MYH7B: variants seen among roughly 807,000 people sequenced by gnomAD.
MYH7B encodes myosin heavy chain 7B.
In MYH7B, 205 loss-of-function variants were observed where a neutral mutation model predicts 234.5. That is an observed-to-expected ratio of 0.87 (90% CI 0.78 to 0.98). The LOEUF (loss-of-function observed/expected upper bound fraction) is 0.98, where lower values mean the gene tolerates loss of function less well. Ranked by LOEUF, MYH7B falls within the 50% of genes least tolerant of loss-of-function variation. The probability of loss-of-function intolerance (pLI) is 0.00; values close to 1 mark genes in which losing one functional copy is unlikely to be tolerated. For missense variants in MYH7B, 2,652 were observed against 2,633.4 expected (o/e 1.01, Z -0.15); for synonymous variants, 1,193 against 1,105.0 (o/e 1.08, Z -1.58).
intron 2 of MYH7B, among the ~76,000 whole-genome samples, chr20:34,964,669 A>C (rs528254193): frequency 6.6e-6 from 1 of 152,330 alleles, no homozygotes; most frequent in Non-Finnish European, 1.5e-5. Flanking sequence ...CTGTAATCCC[A>C]GTACTTTGGG....
intron 28 of MYH7B, among the ~76,000 whole-genome samples, chr20:34,996,007 G>A (rs1031168166): frequency 6.6e-6 from 1 of 152,348 alleles, no homozygotes; most frequent in South Asian, 2.1e-4. Flanking sequence ...AAGTGAGGCA[G>A]GGGTAGGCAG....
intron 16 of MYH7B, 83 bp from the exon 17 acceptor site, chr20:34,987,474 C>G: frequency 7.0e-7 from 1 of 1,436,478 alleles, no homozygotes; most frequent in East Asian, 2.3e-5. Flanking sequence ...TAACTTCCCT[C>G]TCCTAGCCCC....
exon 36 of MYH7B, chr20:34,999,250 A>T: frequency 6.2e-7 from 1 of 1,605,736 alleles, no homozygotes; most frequent in Non-Finnish European, 8.5e-7. Context: ...GCACTGGAGG[A>T]ACGGCGGCGG....
intron 41 of MYH7B, 36 bp from the exon 42 acceptor site, chr20:35,001,209 G>T: frequency 1.9e-6 from 3 of 1,606,302 alleles, no homozygotes; most frequent in South Asian, 2.2e-5. Context: ...GTGACCCAGG[G>T]GTGGGCTTGG....
chr20:34,987,202 G>A, exon 16 of MYH7B: 1 of 1,612,860 alleles, frequency 6.2e-7, no homozygotes, highest in East Asian at 2.2e-5. Flanking sequence ...CCTGCTATAA[G>A]ATCGTGGGCG....
intron 2 of MYH7B, among the ~76,000 whole-genome samples, chr20:34,969,504 C>T (rs1008015021): frequency 4.0e-5 from 6 of 151,282 alleles, no homozygotes; most frequent in Non-Finnish European, 2.9e-5. Context: ...CCGATTTTTA[C>T]GCAGGAGATG....
chr20:34,985,961 C>T (rs2082014181), intron 13 of MYH7B, 139 bp from the exon 14 acceptor site: 1 of 701,844 alleles, frequency 1.4e-6, no homozygotes, highest in Admixed American at 2.1e-5. Context: ...GGGGAGATAC[C>T]CTCCCCACAC....
At chr20:34,962,996 G>GTAATTTACTTTCTCCCTGCCTCAA (rs1431208086) in intron 2 of MYH7B, among the ~76,000 whole-genome samples, 3 of 152,256 alleles carry the variant, frequency 2.0e-5, no homozygotes, top group Non-Finnish European at 4.4e-5. Flanking sequence ...TATTCAGGGA[G>GTAATTTACTTTCTCCCTGCCTCAA]GCTGAGGCAG....
intron 19 of MYH7B, among the ~76,000 whole-genome samples, 185 bp downstream of exon 19, chr20:34,988,447 C>A (rs186538943): frequency 6.6e-6 from 1 of 152,048 alleles, no homozygotes; most frequent in East Asian, 1.9e-4. Flanking sequence ...TGAAAGGGCA[C>A]GTGTGTGAGT....
At chr20:34,997,684 C>G in intron 32 of MYH7B, 44 bp downstream of exon 32, 1 of 1,604,864 alleles carries the variant, frequency 6.2e-7, no homozygotes, top group Non-Finnish European at 8.5e-7. Flanking sequence ...GACTTTAAAC[C>G]AATCCCGATC....
intron 27 of MYH7B, among the ~76,000 whole-genome samples, chr20:34,994,749 A>G (rs1287016480): frequency 6.6e-6 from 1 of 152,234 alleles, no homozygotes; most frequent in Non-Finnish European, 1.5e-5. Context: ...ATAGCCAGAG[A>G]GCACAGATCA....
chr20:34,979,870 T>A (rs1034367962), intron 7 of MYH7B, 66 bp downstream of exon 7: 158 of 1,500,120 alleles, frequency 1.1e-4, no homozygotes, highest in Middle Eastern at 9.6e-4. Flanking sequence ...AGAGATGAGG[T>A]GCTGGGGGCG....
chr20:34,956,200 G>A (rs34864006), intron 1 of MYH7B, among the ~76,000 whole-genome samples, 193 bp downstream of exon 1: 2 of 152,296 alleles, frequency 1.3e-5, no homozygotes, highest in African/African-American at 4.8e-5. Context: ...TAGAACCCAG[G>A]CTTGTTTCCC....
Position 34,975,907 on chromosome 20 carries a change from G to A in MYH7B, c.-122+408G>A, listed in dbSNP as rs186666236. On this transcript the variant is annotated intron_variant, in intron 3 of 44. Transcript: ENST00000262873. ...ATTTTTTTGTATTTTTACTAGAGACGGGGTTTCACTGTGTTAGCCAGGATG... is the reference window on the plus strand; with the variant it reads ...ATTTTTTTGTATTTTTACTAGAGACAGGGTTTCACTGTGTTAGCCAGGATG... Among the ~76,000 whole-genome samples, 547 of 152,204 alleles carry A rather than the reference G, an allele frequency of 3.6e-3. 3 individuals are homozygous for A. The highest frequency in any genetic ancestry group is 0.01 in the Middle Eastern group (3 of 294).
exon 32 of MYH7B, chr20:34,997,348 A>AGCTGAGCGAGCG (rs1352021817): frequency 6.5e-7 from 1 of 1,539,146 alleles, no homozygotes; most frequent in South Asian, 1.2e-5. Context: ...GAGCTGGAGG[A>AGCTGAGCGAGCG]GCTGAGCGAG....
intron 32 of MYH7B, 26 bp downstream of exon 32, chr20:34,997,666 C>A: frequency 6.2e-7 from 1 of 1,611,066 alleles, no homozygotes; most frequent in Non-Finnish European, 8.5e-7. Context: ...TCACCCCATA[C>A]CCACCCTGAC....
chr20:35,001,721 G>C lies in MYH7B; in HGVS notation c.5676+195G>C, dbSNP rs1158395338. 3.6e-6 allele frequency: 3 copies of C among 842,692 alleles called. No individual in the cohort carries two copies. The African/African-American group carries it at 5.1e-5, about 14-fold the overall frequency. 52.2% of individuals were successfully genotyped at this position (842,692 alleles called of 1,614,324 possible). A position where few individuals can be genotyped will look rare whatever the true frequency, so the allele number is the denominator to read the frequency against. ...AACAGACCCCATGTGCTTTCCCCTG[G>C]CCAAGGCTGGGGCTGCCTCTGAGGG... On this transcript the variant is annotated intron_variant, in intron 43 of 44. Coordinates refer to ENST00000262873, the Ensembl canonical transcript of MYH7B.
chr20:34,964,459 AG>A (rs1417531817), intron 2 of MYH7B, among the ~76,000 whole-genome samples: 3 of 152,136 alleles, frequency 2.0e-5, no homozygotes, highest in Non-Finnish European at 4.4e-5. Flanking sequence ...GTGGAGCTAG[AG>A]AATGTTGGGG....
At chr20:35,001,130 A>C (rs372865193) in exon 41 of MYH7B, 2 of 1,613,738 alleles carry the variant, frequency 1.2e-6, no homozygotes, top group African/African-American at 2.7e-5. Flanking sequence ...CGTGGCGGGA[A>C]GAAGCAGGTG....
Sources: gnomAD v4.1 joint callset for allele counts (sites outside exome capture counted in the v4.1 genomes callset) on GRCh38, gnomAD v4.1.1 for gene constraint, MANE v1.5 for transcripts, NCBI Gene and HGNC (gene_info 2026-07-23, HGNC 2026-07-21) for gene names.